NFATC3: variants seen among roughly 807,000 people sequenced by gnomAD.
NFATC3 encodes the protein nuclear factor of activated T cells 3, also known as nuclear factor of activated T-cells, cytoplasmic 3.
In NFATC3, 46 loss-of-function variants were observed where a neutral mutation model predicts 98.6. The ratio of observed to expected loss-of-function variants is 0.47; its 90% CI spans 0.37 to 0.60. The LOEUF (loss-of-function observed/expected upper bound fraction) is 0.60, where lower values mean the gene tolerates loss of function less well. NFATC3 is among the 20% of genes least tolerant of loss of function. The pLI is 0.00. For synonymous variants in NFATC3, 512 were observed against 472.2 expected, an observed-to-expected ratio of 1.08 and a Z score of -1.09; for missense variants, 1,256 against 1,295.5, an observed-to-expected ratio of 0.97 and a Z score of 0.47.
chr16:68,226,584 C>T lies in NFATC3; in HGVS notation c.*113C>T. The T allele has an allele frequency of 8.0e-7, 1 of 1,246,712 alleles. No homozygotes were observed. Among genetic ancestry groups the T allele is most frequent in the Non-Finnish European group, 1.1e-6 (1 of 942,224 alleles). The allele number at this position is 1,246,712 out of a possible 1,614,324, so 77.2% of individuals were successfully genotyped here. A position where few individuals can be genotyped will look rare whatever the true frequency, so the allele number is the denominator to read the frequency against. ...GGTCTGGGGCCAGGAGTGGGACCCA[C>T]CATTTGTGGGGAAAGTAGCATTCCT... On this transcript the variant is annotated 3_prime_UTR_variant, in exon 10 of 10. Transcript: ENST00000346183.
intron 6 of NFATC3, among the ~76,000 whole-genome samples, 161 bp downstream of exon 6, chr16:68,174,675 A>T (rs2039606630): frequency 6.6e-6 from 1 of 152,224 alleles, no homozygotes; most frequent in African/African-American, 2.4e-5. Flanking sequence ...TTAAATTTTC[A>T]TATAAATGTT....
intron 5 of NFATC3, among the ~76,000 whole-genome samples, chr16:68,168,201 C>CCCAGGCTGGAATGT (rs2039302884): frequency 6.6e-6 from 1 of 151,112 alleles, no homozygotes; most frequent in African/African-American, 2.4e-5. Context: ...CACTCTCTTG[C>CCCAGGCTGGAATGT]CCAGGCTGGA....
chr16:68,113,864 C>T (rs187215676), intron 1 of NFATC3, among the ~76,000 whole-genome samples: 64 of 152,376 alleles, frequency 4.2e-4, no homozygotes, highest in African/African-American at 1.4e-3. Flanking sequence ...GATCTGCCAC[C>T]GCCACTGTGT....
chr16:68,158,437 A>C (rs1468488640), intron 4 of NFATC3, among the ~76,000 whole-genome samples: 1 of 152,210 alleles, frequency 6.6e-6, no homozygotes, highest in Admixed American at 6.5e-5. Flanking sequence ...ACCTCCAGGC[A>C]TCCCACTTGA....
chr16:68,170,386 C>CA (rs112305272), intron 5 of NFATC3, among the ~76,000 whole-genome samples: 22,719 of 80,614 alleles, frequency 0.28, 2,550 homozygotes, highest in African/African-American at 0.39. Flanking sequence ...GATTCTGTCT[C>CA]AAAAAAAAAA....
intron 6 of NFATC3, among the ~76,000 whole-genome samples, chr16:68,177,794 C>T (rs2039783727): frequency 6.6e-6 from 1 of 151,978 alleles, no homozygotes; most frequent in Non-Finnish European, 1.5e-5. Flanking sequence ...TTAAATCTGT[C>T]ATCCTCTTAA....
intron 1 of NFATC3, among the ~76,000 whole-genome samples, chr16:68,111,761 T>C (rs540596997): frequency 6.6e-6 from 1 of 152,314 alleles, no homozygotes; most frequent in South Asian, 2.1e-4. Context: ...TGGCTGATAA[T>C]GGTTTTTGCT....
rs568119206 is a variant in NFATC3 at position 68,092,780 on chromosome 16, A to G, written c.103+6996A>G. ...GAGTTGTTCTTATTATTCAAACCATATTTCCCACGTCTGTAGTTCTTTAAT... is the reference window on the plus strand; with the variant it reads ...GAGTTGTTCTTATTATTCAAACCATGTTTCCCACGTCTGTAGTTCTTTAAT... On this transcript the variant is annotated intron_variant, in intron 1 of 9. Coordinates refer to ENST00000346183, the MANE Select transcript of NFATC3 (RefSeq NM_173165.3). 3.3e-5 allele frequency among the ~76,000 whole-genome samples: 5 copies of G among 152,228 alleles called. No individual in the cohort carries two copies. The East Asian group carries it at 9.6e-4, about 29-fold the overall frequency.
Position 68,122,864 on chromosome 16 carries a change from A to C in NFATC3, c.981A>C (p.Pro327=), listed in dbSNP as rs545598471. The C allele has an allele frequency of 4.3e-6, 7 of 1,614,162 alleles. No homozygotes were observed. In the African/African-American group the frequency reaches 9.3e-5, roughly 22 times the overall value. The change falls in exon 2 of 10, where the codon CCA becomes CCC. Residue 327 remains proline, a synonymous_variant. Transcript: ENST00000346183. ...CAGGCCTTGGCCCTGCAGTTTTTCC[A>C]TTTCAGTACTGTGTAGAGACTGACA... The part of the protein sequence containing the change: ...GGSGLGPAVF[P]FQYCVETDIP...
At chr16:68,154,740 T>G (rs747678083) in intron 3 of NFATC3, among the ~76,000 whole-genome samples, 1 of 152,114 alleles carries the variant, frequency 6.6e-6, no homozygotes, top group Non-Finnish European at 1.5e-5. Context: ...TGAGCTTGAG[T>G]GGTTCATGCA....
chr16:68,157,776 A>G (rs1474486954), intron 3 of NFATC3, 93 bp from the exon 4 acceptor site: 46 of 960,446 alleles, frequency 4.8e-5, no homozygotes, highest in Non-Finnish European at 1.2e-5. Context: ...TCAATAGTAT[A>G]TGATAGAGAT....
chr16:68,210,837 A>T (rs1015519848), intron 9 of NFATC3, among the ~76,000 whole-genome samples: 5 of 152,058 alleles, frequency 3.3e-5, no homozygotes, highest in Admixed American at 3.3e-4. Flanking sequence ...GCAGGAATGC[A>T]GTGGTGTGAC....
chr16:68,216,274 C>G (rs865935969), intron 9 of NFATC3, among the ~76,000 whole-genome samples: 3 of 152,230 alleles, frequency 2.0e-5, no homozygotes, highest in Non-Finnish European at 4.4e-5. Flanking sequence ...ATAAAGGATT[C>G]TTCTGATAAT....
chr16:68,119,586 A>G (rs1276231880), intron 1 of NFATC3, among the ~76,000 whole-genome samples: 2 of 152,060 alleles, frequency 1.3e-5, no homozygotes, highest in African/African-American at 4.8e-5. Flanking sequence ...TGCACTTACT[A>G]TTATCCTCTG....
chr16:68,222,223 G>A (rs2041889796), intron 9 of NFATC3, among the ~76,000 whole-genome samples: 1 of 135,344 alleles, frequency 7.4e-6, no homozygotes, highest in Admixed American at 8.4e-5. Flanking sequence ...GGAAGATCAA[G>A]GCTGCAGTGA....
At chr16:68,133,408 AATATGT>A (rs1733981823) in intron 3 of NFATC3, among the ~76,000 whole-genome samples, 2 of 152,222 alleles carry the variant, frequency 1.3e-5, no homozygotes, top group Admixed American at 1.3e-4. Context: ...TTACTCCGCA[AATATGT>A]ATAATTATTA....
intron 3 of NFATC3, among the ~76,000 whole-genome samples, chr16:68,143,246 C>G (rs1486176162): frequency 6.8e-6 from 1 of 147,610 alleles, no homozygotes; most frequent in African/African-American, 2.5e-5. Context: ...GAAAGAAAGG[C>G]TATATAGTTA....
In NFATC3 at chr16:68,159,147, A is replaced by G. The variant is rs972810811; in HGVS notation, c.1601+1079A>G. Among the ~76,000 whole-genome samples, 84 of 152,176 alleles carry G rather than the reference A, an allele frequency of 5.5e-4. 1 individual carries two copies. The highest frequency in any genetic ancestry group is 2.5e-4 in the Non-Finnish European group (17 of 68,026). ...CTTGGGAGACTGAGGTAGGAGGATC[A>G]CTTGCCCGGGAGGCAGAGGTGGCAG... On this transcript the variant is annotated intron_variant, in intron 4 of 9. Coordinates refer to ENST00000346183, the MANE Select transcript of NFATC3 (RefSeq NM_173165.3).
Position 68,228,352 on chromosome 16 carries a change from G to A in NFATC3, c.*1881G>A, listed in dbSNP as rs959916495. ...GGAGGGGCAAGAAGTTGGCCTCTCG[G>A]TTGACATTCCAGAGAAATGGCCAGA... On this transcript the variant is annotated 3_prime_UTR_variant, in exon 10 of 10. Coordinates refer to ENST00000346183, the MANE Select transcript of NFATC3 (RefSeq NM_173165.3). 2.0e-5 allele frequency: 3 copies of A among 152,138 alleles called. No homozygotes were observed. Among genetic ancestry groups the A allele is most frequent in the Admixed American group, 6.5e-5 (1 of 15,270 alleles). The allele number at this position is 152,138 out of a possible 1,614,324, so 9.4% of individuals were successfully genotyped here. A position where few individuals can be genotyped will look rare whatever the true frequency, so the allele number is the denominator to read the frequency against.
Sources: gnomAD v4.1 joint callset for allele counts (sites outside exome capture counted in the v4.1 genomes callset) on GRCh38, gnomAD v4.1.1 for gene constraint, MANE v1.5 for transcripts, NCBI Gene and HGNC (gene_info 2026-07-23, HGNC 2026-07-21) for gene names.